Variants in ADSS2 observed in about 807,000 individuals in gnomAD.
The protein encoded by ADSS2 is adenylosuccinate synthase 2.
ADSS2 carries 30 observed loss-of-function variants against 60.0 expected under a neutral mutation model. That is an observed-to-expected ratio of 0.50 (90% CI 0.37 to 0.68). ADSS2 has a LOEUF of 0.68. Ranked by LOEUF, ADSS2 falls within the 30% of genes least tolerant of loss-of-function variation. The probability of loss-of-function intolerance (pLI) is 0.00; values close to 1 mark genes in which losing one functional copy is unlikely to be tolerated. For synonymous variants in ADSS2, 187 were observed against 193.1 expected, an observed-to-expected ratio of 0.97 and a Z score of 0.26; for missense variants, 373 against 554.8, an observed-to-expected ratio of 0.67 and a Z score of 3.29.
Position 244,409,448 on chromosome 1 carries a change from G to A in ADSS2, c.*138C>T. The stretch of plus-strand genomic sequence containing the variant: ...TAATCTCCACAGTAGGCATCCATCT[G>A]AAAAGACTGGAAACAACTGTAGGGC... On this transcript the variant is annotated 3_prime_UTR_variant, in exon 13 of 13. Coordinates refer to ENST00000366535, the MANE Select transcript of ADSS2 (RefSeq NM_001126.5). The A allele has an allele frequency of 1.6e-6, 1 of 634,124 alleles. No individual in the cohort carries two copies. Among genetic ancestry groups the A allele is most frequent in the Non-Finnish European group, 2.7e-6 (1 of 366,486 alleles). 39.3% of individuals were successfully genotyped at this position (634,124 alleles called of 1,614,324 possible). A position where few individuals can be genotyped will look rare whatever the true frequency, so the allele number is the denominator to read the frequency against.
chr1:244,445,648 TAA>T (rs34487846), intron 1 of ADSS2, among the ~76,000 whole-genome samples: 5 of 147,360 alleles, frequency 3.4e-5, no homozygotes, highest in Non-Finnish European at 4.5e-5. Flanking sequence ...CAGGGGAGGT[TAA>T]AAAAAAAAAA....
intron 9 of ADSS2, among the ~76,000 whole-genome samples, chr1:244,418,360 TGC>T: frequency 6.6e-6 from 1 of 152,356 alleles, no homozygotes; most frequent in East Asian, 1.9e-4. Context: ...CTCGCTCTGT[TGC>T]GCCGGCTGGA....
intron 9 of ADSS2, 148 bp downstream of exon 9, chr1:244,418,612 C>G (rs766138517): frequency 1.2e-6 from 1 of 802,774 alleles, no homozygotes; most frequent in African/African-American, 1.8e-5. Context: ...GGGGCCACCA[C>G]GTCCAGCCAA....
intron 7 of ADSS2, among the ~76,000 whole-genome samples, chr1:244,421,965 C>A (rs1664686016): frequency 6.6e-6 from 1 of 152,090 alleles, no homozygotes; most frequent in South Asian, 2.1e-4. Context: ...CAAAGCGAGA[C>A]CCTGTCTCAA....
rs1278369556 is a variant in ADSS2, at chr1:244,451,454, G to A, written c.183+181C>T. ...GTTTCACCCGACGCTCCAGGTCAGG[G>A]GTCCCCGACCTCCCGCCATTTCTCC... On this transcript the variant is annotated intron_variant, in intron 1 of 12. Transcript: ENST00000366535. The surrounding 1 kb of genome is among the most constrained non-coding windows in gnomAD (Gnocchi z 6.6). 6.6e-6 allele frequency among the ~76,000 whole-genome samples: 1 copy of A among 152,152 alleles called. No individual in the cohort carries two copies. The highest frequency in any genetic ancestry group is 1.5e-5 in the Non-Finnish European group (1 of 68,020).
chr1:244,426,028 A>G (rs1163751885), intron 4 of ADSS2, among the ~76,000 whole-genome samples: 5 of 152,304 alleles, frequency 3.3e-5, no homozygotes, highest in African/African-American at 1.2e-4. Flanking sequence ...ATGAAAAAGA[A>G]TAAATACTCT....
At chr1:244,431,854 G>C (rs1200193179) in intron 4 of ADSS2, among the ~76,000 whole-genome samples, 1 of 152,190 alleles carries the variant, frequency 6.6e-6, no homozygotes, top group Non-Finnish European at 1.5e-5. Flanking sequence ...GCTTGGCTGA[G>C]AAATACTGTA....
intron 7 of ADSS2, 33 bp downstream of exon 7, chr1:244,422,802 A>T (rs1664706176): frequency 1.3e-6 from 2 of 1,511,692 alleles, no homozygotes; most frequent in Non-Finnish European, 1.8e-6. Context: ...AACAAGTATT[A>T]AAAAGAACAT....
At chr1:244,450,495 C>A (rs1478635500) in intron 1 of ADSS2, among the ~76,000 whole-genome samples, 1 of 152,218 alleles carries the variant, frequency 6.6e-6, no homozygotes, top group African/African-American at 2.4e-5. Flanking sequence ...TTCATTGTTT[C>A]TGCATGCTCA....
Position 244,409,497 on chromosome 1 carries a change from A to C in ADSS2, c.*89T>G. On this transcript the variant is annotated 3_prime_UTR_variant, in exon 13 of 13. Transcript: ENST00000366535. ...GCTTCAAACTTACTTCAGTGTCTTT[A>C]TTCTTGAATTTGCAGGTCATAAATG... is the stretch of plus-strand genomic sequence containing the variant. 9.5e-7 allele frequency: 1 copy of C among 1,050,338 alleles called. No individual in the cohort carries two copies. The allele number at this position is 1,050,338 out of a possible 1,614,324, so 65.1% of individuals were successfully genotyped here.
intron 5 of ADSS2, 56 bp from the exon 6 acceptor site, chr1:244,424,116 G>T: frequency 6.9e-7 from 1 of 1,450,962 alleles, no homozygotes; most frequent in Non-Finnish European, 9.5e-7. Context: ...TAGGTCTCCT[G>T]GTCAGATCAT....
At chr1:244,439,489 C>T (rs1318888866) in intron 1 of ADSS2, among the ~76,000 whole-genome samples, 1 of 152,136 alleles carries the variant, frequency 6.6e-6, no homozygotes, top group Non-Finnish European at 1.5e-5. Context: ...CAGGACTCCG[C>T]CCAGTGCCCT....
chr1:244,433,025 C>T (rs542277094), intron 3 of ADSS2, among the ~76,000 whole-genome samples: 12 of 152,016 alleles, frequency 7.9e-5, no homozygotes, highest in African/African-American at 2.9e-4. Flanking sequence ...TCACTTGAGG[C>T]CAGGGGTTCG....
intron 4 of ADSS2, 63 bp from the exon 5 acceptor site, chr1:244,424,450 C>T: frequency 3.0e-6 from 4 of 1,327,498 alleles, no homozygotes; most frequent in Non-Finnish European, 4.3e-6. Flanking sequence ...AAATCCACCG[C>T]ATTTCAAATT....
chr1:244,426,199 T>C (rs1344167322), intron 4 of ADSS2, among the ~76,000 whole-genome samples: 1 of 152,144 alleles, frequency 6.6e-6, no homozygotes, highest in Non-Finnish European at 1.5e-5. Context: ...AAGACTGAGA[T>C]CTTAGAGTAC....
intron 5 of ADSS2, 93 bp downstream of exon 5, chr1:244,424,228 A>C: frequency 7.6e-7 from 1 of 1,322,112 alleles, no homozygotes. Flanking sequence ...GGATATTCTA[A>C]TACTTATTTT....
chr1:244,414,658 C>G (rs1337038714), intron 11 of ADSS2, among the ~76,000 whole-genome samples: 3 of 152,214 alleles, frequency 2.0e-5, no homozygotes, highest in Admixed American at 2.0e-4. Context: ...CAACCAGAAT[C>G]CTACAGGAGC....
intron 8 of ADSS2, chr1:244,419,181 C>T (rs912942956): frequency 3.5e-6 from 1 of 286,530 alleles, no homozygotes; most frequent in Non-Finnish European, 6.4e-6. Flanking sequence ...TTTATAGCAG[C>T]TACTCACTTA....
At chr1:244,418,718 A>C in intron 9 of ADSS2, 42 bp downstream of exon 9, 1 of 1,517,654 alleles carries the variant, frequency 6.6e-7, no homozygotes, top group South Asian at 1.3e-5. Flanking sequence ...AAGAAGAATG[A>C]ATTTTTAATA....
Sources: allele counts gnomAD v4.1 joint callset (sites outside exome capture counted in the v4.1 genomes callset), GRCh38; gene constraint gnomAD v4.1.1; non-coding constraint Gnocchi (gnomAD v3.1); transcripts MANE v1.5; gene names NCBI Gene and HGNC (gene_info 2026-07-23, HGNC 2026-07-21).